The following PARPBP variants were observed in gnomAD, a reference collection of about 807,000 sequenced individuals.
PARPBP encodes the protein PCNA-interacting partner.
A neutral mutation model predicts 50.0 loss-of-function variants in PARPBP; 52 were observed. The ratio of observed to expected loss-of-function variants is 1.04; its 90% CI spans 0.83 to 1.31. PARPBP has a LOEUF of 1.31. PARPBP is among the 50% of genes most tolerant of loss of function. PARPBP has a pLI of 0.00. For synonymous variants in PARPBP, 244 were observed against 232.1 expected (o/e 1.05, Z -0.47); for missense variants, 697 against 672.0 (o/e 1.04, Z -0.41).
At chr12:102,146,531 T>C (rs1885378299) in intron 2 of PARPBP, among the ~76,000 whole-genome samples, 1 of 152,228 alleles carries the variant, frequency 6.6e-6, no homozygotes, top group African/African-American at 2.4e-5. Context: ...AAGCTGAAAC[T>C]GGATCCCTTC....
intron 4 of PARPBP, among the ~76,000 whole-genome samples, chr12:102,157,139 T>C (rs1887037979): frequency 6.6e-6 from 1 of 150,798 alleles, no homozygotes; most frequent in South Asian, 2.1e-4. Flanking sequence ...AATACTTGTA[T>C]GTCTCTTGTA....
chr12:102,127,818 G>C (rs1029100914), intron 2 of PARPBP, among the ~76,000 whole-genome samples: 1 of 152,180 alleles, frequency 6.6e-6, no homozygotes, highest in Non-Finnish European at 1.5e-5. Flanking sequence ...TAGGGAGTCA[G>C]TTGGCTTGGG....
At chr12:102,140,542 C>T (rs1884412221) in intron 2 of PARPBP, among the ~76,000 whole-genome samples, 1 of 152,054 alleles carries the variant, frequency 6.6e-6, no homozygotes, top group Non-Finnish European at 1.5e-5. Flanking sequence ...AATGTGTTTG[C>T]TCTTGCTTCT....
chr12:102,151,714 T>C (rs2138910501), intron 3 of PARPBP: 1 of 1,535,626 alleles, frequency 6.5e-7, no homozygotes, highest in African/African-American at 1.4e-5. Flanking sequence ...ATGGAGCTGG[T>C]CCCTAAACTT....
rs1891206999 is a variant in PARPBP, at chr12:102,195,429, A to G, written c.1381A>G (p.Met461Val). Residue 461 changes from methionine to valine, a missense_variant, in exon 10 of 11, where the codon ATG (methionine) becomes GTG (valine). By Grantham distance (21) the Met-to-Val change is conservative (BLOSUM62 1). Transcript: ENST00000327680. Reference sequence around the variant, plus strand: ...ATCAAAGCCTTTGTGTGTTCTTTACATGGAAAATGACCTTTCTGGTAATTG... The same window carrying G: ...ATCAAAGCCTTTGTGTGTTCTTTACGTGGAAAATGACCTTTCTGGTAATTG... The part of the protein sequence containing the change: ...LASKPLCVLY[M>V]ENDLSEGVNP... 1 of 1,591,470 alleles carries G rather than the reference A, an allele frequency of 6.3e-7. No individual in the cohort carries two copies.
At chr12:102,193,777 A>G (rs1021630321) in intron 9 of PARPBP, among the ~76,000 whole-genome samples, 1 of 152,068 alleles carries the variant, frequency 6.6e-6, no homozygotes, top group Admixed American at 6.6e-5. Context: ...ATCTTCAGTT[A>G]CATATAGGGC....
At chr12:102,172,238 G>A (rs972359310) in intron 6 of PARPBP, among the ~76,000 whole-genome samples, 1 of 152,114 alleles carries the variant, frequency 6.6e-6, no homozygotes, top group Non-Finnish European at 1.5e-5. Flanking sequence ...TCCTATTAAT[G>A]TTTATCCAGA....
intron 8 of PARPBP, among the ~76,000 whole-genome samples, chr12:102,180,196 T>C (rs1162023005): frequency 6.6e-6 from 1 of 152,220 alleles, no homozygotes; most frequent in East Asian, 1.9e-4. Flanking sequence ...GATTTACTTA[T>C]ACCTGCTGCT....
chr12:102,164,709 A>C (rs1381394336), intron 5 of PARPBP, 101 bp downstream of exon 5: 2 of 911,046 alleles, frequency 2.2e-6, no homozygotes, highest in Admixed American at 3.6e-5. Context: ...TAAGTGGTTA[A>C]TTTATGTTCT....
intron 2 of PARPBP, among the ~76,000 whole-genome samples, chr12:102,133,505 A>T (rs544388730): frequency 1.3e-5 from 2 of 152,114 alleles, no homozygotes; most frequent in South Asian, 2.1e-4. Flanking sequence ...ATCATGAGTG[A>T]TCCTTTTAAT....
intron 10 of PARPBP, 127 bp downstream of exon 10, chr12:102,195,574 C>T (rs1891227738): frequency 2.9e-6 from 2 of 678,546 alleles, no homozygotes. Context: ...TTTTTAAAGA[C>T]CTCAGTTTAT....
chr12:102,197,461 G>A lies in PARPBP; in HGVS notation c.*1170G>A. 6.9e-7 allele frequency: 1 copy of A among 1,446,650 alleles called. No homozygotes were observed. The highest frequency in any genetic ancestry group is 1.3e-5 in the South Asian group (1 of 76,498). The allele number at this position is 1,446,650 out of a possible 1,614,324, so 89.6% of individuals were successfully genotyped here. ...AAAAGTATCAGTTTTACTTTTCAGA[G>A]GATTTGTAAGAATCATTTAAATTTT... On this transcript the variant is annotated 3_prime_UTR_variant, in exon 11 of 11. Coordinates refer to ENST00000327680, the MANE Select transcript of PARPBP (RefSeq NM_017915.5).
chr12:102,184,236 A>G lies in PARPBP; in HGVS notation c.1263+1609A>G, dbSNP rs187321327. Among the ~76,000 whole-genome samples, 13 of 152,092 alleles carry G rather than the reference A, an allele frequency of 8.5e-5. No individual in the cohort carries two copies. The East Asian group carries it at 2.3e-3, about 27-fold the overall frequency. On this transcript the variant is annotated intron_variant, in intron 9 of 10. Transcript: ENST00000327680. Reference sequence around the variant, plus strand: ...GTAGGTGTATATGTTTATGGGATACATGAGATGTTTTGATATAAGCATGCA... The same window carrying G: ...GTAGGTGTATATGTTTATGGGATACGTGAGATGTTTTGATATAAGCATGCA...
intron 1 of PARPBP, among the ~76,000 whole-genome samples, chr12:102,121,545 CTTTTTTTTTT>C (rs35855638): frequency 8.0e-5 from 7 of 87,140 alleles, no homozygotes; most frequent in Admixed American, 2.6e-4. Flanking sequence ...TAGTAATGCT[CTTTTTTTTTT>C]TTTTTTTTTT....
At chr12:102,144,161 C>T (rs1022794845) in intron 2 of PARPBP, among the ~76,000 whole-genome samples, 4 of 152,066 alleles carry the variant, frequency 2.6e-5, no homozygotes, top group African/African-American at 9.7e-5. Context: ...CTTAAGTAGA[C>T]CTATCTTTTC....
intron 8 of PARPBP, 22 bp downstream of exon 8, chr12:102,178,792 T>C: frequency 6.7e-7 from 1 of 1,499,424 alleles, no homozygotes; most frequent in Non-Finnish European, 9.1e-7. Flanking sequence ...GGAAGTTATA[T>C]GTGTTATAAA....
At chr12:102,151,758 G>T in intron 3 of PARPBP, 2 of 1,535,676 alleles carry the variant, frequency 1.3e-6, no homozygotes, top group Non-Finnish European at 1.7e-6. Flanking sequence ...CGGTCCAGAA[G>T]AAGAGACGAG....
chr12:102,180,880 G>T (rs947175867), intron 8 of PARPBP, among the ~76,000 whole-genome samples: 1 of 152,118 alleles, frequency 6.6e-6, no homozygotes, highest in Non-Finnish European at 1.5e-5. Flanking sequence ...GGACAATGAG[G>T]TATATCAATT....
intron 4 of PARPBP, among the ~76,000 whole-genome samples, chr12:102,154,184 G>T (rs529770567): frequency 6.6e-6 from 1 of 152,286 alleles, no homozygotes; most frequent in East Asian, 1.9e-4. Context: ...AAGGTAACAG[G>T]CATTGAACAA....
Sources: gnomAD v4.1 joint callset for allele counts (sites outside exome capture counted in the v4.1 genomes callset) on GRCh38, gnomAD v4.1.1 for gene constraint, MANE v1.5 for transcripts, NCBI Gene and HGNC (gene_info 2026-07-23, HGNC 2026-07-21) for gene names.